EXOC6B: variants seen among roughly 807,000 people sequenced by gnomAD.
EXOC6B encodes exocyst complex component 6B.
EXOC6B carries 54 observed loss-of-function variants against 113.5 expected under a neutral mutation model. The observed-to-expected ratio is 0.48, with a 90% CI of 0.38 to 0.60. EXOC6B has a LOEUF of 0.60. EXOC6B is among the 20% of genes least tolerant of loss of function. The pLI, the probability that EXOC6B is intolerant of heterozygous loss-of-function variation, is 0.00. For missense variants in EXOC6B, 797 were observed against 977.5 expected (o/e 0.82, Z 2.46); for synonymous variants, 357 against 339.0 (o/e 1.05, Z -0.58).
intron 1 of EXOC6B, among the ~76,000 whole-genome samples, chr2:72,816,873 T>C (rs1028649342): frequency 6.6e-6 from 1 of 152,210 alleles, no homozygotes; most frequent in Admixed American, 6.5e-5. Flanking sequence ...CAATGAAAAT[T>C]GTTGTCTATT....
intron 11 of EXOC6B, among the ~76,000 whole-genome samples, chr2:72,506,700 T>TG (rs1700614485): frequency 6.6e-6 from 1 of 152,156 alleles, no homozygotes; most frequent in Admixed American, 6.5e-5. Context: ...TAAATTTTTC[T>TG]TCCAGCCCAT....
At chr2:72,750,332 C>T (rs924147047) in intron 1 of EXOC6B, among the ~76,000 whole-genome samples, 6 of 151,966 alleles carry the variant, frequency 3.9e-5, no homozygotes, top group Non-Finnish European at 8.8e-5. Context: ...TTCCATGAAC[C>T]GTATGGAAGA....
chr2:72,183,899 G>T (rs919596181), intron 21 of EXOC6B, among the ~76,000 whole-genome samples, 176 bp downstream of exon 21: 2 of 152,156 alleles, frequency 1.3e-5, no homozygotes, highest in Non-Finnish European at 2.9e-5. Flanking sequence ...GCCACAGGAG[G>T]AAGACTGGCC....
chr2:72,213,851 C>T (rs772088575), intron 20 of EXOC6B, among the ~76,000 whole-genome samples: 3 of 152,080 alleles, frequency 2.0e-5, no homozygotes, highest in Admixed American at 6.5e-5. Flanking sequence ...TCACTGGACA[C>T]GGAATCTGCC....
At chr2:72,237,582 A>G (rs781714407) in intron 20 of EXOC6B, among the ~76,000 whole-genome samples, 1 of 152,262 alleles carries the variant, frequency 6.6e-6, no homozygotes, top group Non-Finnish European at 1.5e-5. Context: ...ACACTTTGCT[A>G]GATGGCAAAG....
intron 18 of EXOC6B, among the ~76,000 whole-genome samples, chr2:72,388,569 G>A (rs929674127): frequency 4.6e-5 from 7 of 152,190 alleles, no homozygotes; most frequent in Admixed American, 3.9e-4. Flanking sequence ...CAAGTTGTAT[G>A]ATAATTGTTG....
chr2:72,421,652 G>A (rs976115871), intron 18 of EXOC6B, among the ~76,000 whole-genome samples: 2 of 152,232 alleles, frequency 1.3e-5, no homozygotes, highest in African/African-American at 4.8e-5. Flanking sequence ...CTACTGAGAG[G>A]TGACAGCGTG....
chr2:72,409,645 C>A (rs1303133948), intron 18 of EXOC6B, among the ~76,000 whole-genome samples: 5 of 150,492 alleles, frequency 3.3e-5, no homozygotes. Flanking sequence ...CATGTTCTCA[C>A]TCCTAGGTGG....
intron 20 of EXOC6B, among the ~76,000 whole-genome samples, chr2:72,194,395 C>T (rs1679030148): frequency 6.6e-6 from 1 of 151,996 alleles, no homozygotes; most frequent in South Asian, 2.1e-4. Context: ...GAAGAAAATC[C>T]TTCATGGTAT....
intron 6 of EXOC6B, among the ~76,000 whole-genome samples, chr2:72,596,519 G>A (rs955699422): frequency 9.2e-5 from 14 of 151,962 alleles, no homozygotes; most frequent in Middle Eastern, 3.2e-3. Context: ...AAGGAGAAAC[G>A]TAACCATTTT....
intron 19 of EXOC6B, among the ~76,000 whole-genome samples, chr2:72,338,966 C>CACATACACATAT (rs1296689505): frequency 2.1e-4 from 32 of 151,242 alleles, no homozygotes; most frequent in African/African-American, 5.1e-4. Flanking sequence ...CATACACATA[C>CACATACACATAT]ATACACATAC....
intron 20 of EXOC6B, among the ~76,000 whole-genome samples, chr2:72,227,388 C>CTTTT (rs986008125): frequency 6.6e-6 from 1 of 152,168 alleles, no homozygotes; most frequent in Admixed American, 6.5e-5. Context: ...AAGAATAATT[C>CTTTT]ACCAAGAAGA....
At chr2:72,333,677 A>G (rs1453150830) in intron 20 of EXOC6B, among the ~76,000 whole-genome samples, 3 of 152,110 alleles carry the variant, frequency 2.0e-5, no homozygotes, top group Non-Finnish European at 2.9e-5. Context: ...GTGAATCCTT[A>G]ATGTGCAAGA....
intron 20 of EXOC6B, 87 bp downstream of exon 20, chr2:72,334,860 C>T: frequency 7.8e-7 from 1 of 1,287,540 alleles, no homozygotes; most frequent in Non-Finnish European, 1.1e-6. Flanking sequence ...ACGCCAATCC[C>T]CCTCCCTTCC....
At chr2:72,407,916 A>C (rs2105205592) in intron 18 of EXOC6B, among the ~76,000 whole-genome samples, 1 of 152,334 alleles carries the variant, frequency 6.6e-6, no homozygotes. Context: ...GAAAAGAGGA[A>C]GTCAAATTGT....
chr2:72,282,829 T>A (rs1427219491), intron 20 of EXOC6B, among the ~76,000 whole-genome samples: 9 of 152,110 alleles, frequency 5.9e-5, no homozygotes, highest in Non-Finnish European at 1.3e-4. Context: ...AATATCACAA[T>A]GTTAAAAGAG....
intron 1 of EXOC6B, among the ~76,000 whole-genome samples, chr2:72,814,884 C>A (rs1573842060): frequency 6.6e-6 from 1 of 151,730 alleles, no homozygotes; most frequent in Non-Finnish European, 1.5e-5. Flanking sequence ...CCAGCTACTC[C>A]GGAGGCTGAG....
At chr2:72,530,885 A>G (rs896483201) in intron 8 of EXOC6B, among the ~76,000 whole-genome samples, 1 of 152,100 alleles carries the variant, frequency 6.6e-6, no homozygotes, top group African/African-American at 2.4e-5. Flanking sequence ...TTATATTAAT[A>G]GAGATTATTC....
At chr2:72,770,723 G>T (rs1683364932) in intron 1 of EXOC6B, among the ~76,000 whole-genome samples, 1 of 152,050 alleles carries the variant, frequency 6.6e-6, no homozygotes, top group African/African-American at 2.4e-5. Context: ...ACTATTCCCT[G>T]ATATTTAATG....
Sources: allele counts gnomAD v4.1 joint callset (sites outside exome capture counted in the v4.1 genomes callset), GRCh38; gene constraint gnomAD v4.1.1; transcripts MANE v1.5; gene names NCBI Gene and HGNC (gene_info 2026-07-23, HGNC 2026-07-21).